SPATA18: variants seen among roughly 807,000 people sequenced by gnomAD.
SPATA18 encodes the protein spermatogenesis associated 18, also known as mitochondria-eating protein.
A neutral mutation model predicts 68.1 loss-of-function variants in SPATA18; 54 were observed. That is an observed-to-expected ratio of 0.79 (90% CI 0.64 to 0.99). The LOEUF is 0.99. Ranked by LOEUF, SPATA18 falls within the 50% of genes least tolerant of loss-of-function variation. The pLI, the probability that SPATA18 is intolerant of heterozygous loss-of-function variation, is 0.00. For synonymous variants in SPATA18, 242 were observed against 244.8 expected (o/e 0.99, Z 0.11); for missense variants, 724 against 681.1 (o/e 1.06, Z -0.70).
At chr4:52,085,315 A>G (rs919743976) in intron 11 of SPATA18, among the ~76,000 whole-genome samples, 1 of 152,210 alleles carries the variant, frequency 6.6e-6, no homozygotes, top group Admixed American at 6.5e-5. Flanking sequence ...ATGGGATACC[A>G]TAGTCAACTG....
chr4:52,069,623 G>T (rs1484352288), intron 4 of SPATA18, among the ~76,000 whole-genome samples, 198 bp from the exon 5 acceptor site: 2 of 152,270 alleles, frequency 1.3e-5, no homozygotes, highest in Non-Finnish European at 2.9e-5. Flanking sequence ...ATTGAGCAAA[G>T]GATGTTAGCA....
At chr4:52,072,228 T>G in intron 6 of SPATA18, 72 bp downstream of exon 6, 1 of 1,559,598 alleles carries the variant, frequency 6.4e-7, no homozygotes, top group South Asian at 1.2e-5. Flanking sequence ...GAGGAGGAAA[T>G]AAGTAAAATG....
Position 52,060,415 on chromosome 4 carries a change from G to T in SPATA18, c.88-4G>T, listed in dbSNP as rs762976290. 1 of 1,613,430 alleles carries T rather than the reference G, an allele frequency of 6.2e-7. No homozygotes were observed. ...CCTGGTTATCTACTGTTTTGCCCTTGCAGACAAACACGTGTGATCAAAATC... is the reference window on the plus strand; with the variant it reads ...CCTGGTTATCTACTGTTTTGCCCTTTCAGACAAACACGTGTGATCAAAATC... On this transcript the variant is annotated splice_region_variant and splice_polypyrimidine_tract_variant and intron_variant, in intron 1 of 12. Transcript: ENST00000295213.
At chr4:52,092,622 C>T (rs944556082) in intron 11 of SPATA18, among the ~76,000 whole-genome samples, 1 of 152,190 alleles carries the variant, frequency 6.6e-6, no homozygotes, top group Admixed American at 6.5e-5. Context: ...GTTGATCTTG[C>T]TGGGGGCTGC....
chr4:52,060,077 C>T (rs961884196), intron 1 of SPATA18, among the ~76,000 whole-genome samples: 24 of 152,224 alleles, frequency 1.6e-4, no homozygotes, highest in Admixed American at 9.2e-4. Flanking sequence ...ATGCCCTCAG[C>T]ATCCTCTCTT....
chr4:52,080,898 A>G (rs1007376675), intron 9 of SPATA18, among the ~76,000 whole-genome samples: 1 of 152,204 alleles, frequency 6.6e-6, no homozygotes, highest in Non-Finnish European at 1.5e-5. Flanking sequence ...TTGATGAGGG[A>G]GGATGGATAG....
intron 6 of SPATA18, among the ~76,000 whole-genome samples, chr4:52,072,771 C>T (rs987411659): frequency 8.5e-5 from 13 of 152,116 alleles, no homozygotes; most frequent in Non-Finnish European, 7.4e-5. Flanking sequence ...GTGGTACCCT[C>T]ATGGAAAAAA....
intron 1 of SPATA18, among the ~76,000 whole-genome samples, chr4:52,055,135 T>C (rs988482479): frequency 3.9e-5 from 6 of 152,216 alleles, no homozygotes; most frequent in African/African-American, 1.4e-4. Flanking sequence ...GGTTAGTGAC[T>C]TTAAAAGAAC....
At chr4:52,054,861 C>T (rs1216122670) in intron 1 of SPATA18, among the ~76,000 whole-genome samples, 1 of 150,392 alleles carries the variant, frequency 6.6e-6, no homozygotes, top group Non-Finnish European at 1.5e-5. Flanking sequence ...ACTTGCTTAG[C>T]TACTAGATAA....
chr4:52,092,040 G>C (rs562589065), intron 11 of SPATA18, among the ~76,000 whole-genome samples: 1 of 152,276 alleles, frequency 6.6e-6, no homozygotes, highest in South Asian at 2.1e-4. Flanking sequence ...CAGCAATGGT[G>C]GACACCCCTC....
chr4:52,065,804 A>G (rs1739260933), intron 4 of SPATA18, among the ~76,000 whole-genome samples: 1 of 152,158 alleles, frequency 6.6e-6, no homozygotes, highest in South Asian at 2.1e-4. Context: ...GCAAATTCCA[A>G]TAATTATGGG....
chr4:52,053,973 A>C (rs1298466341), intron 1 of SPATA18, among the ~76,000 whole-genome samples: 1 of 152,158 alleles, frequency 6.6e-6, no homozygotes, highest in Admixed American at 6.5e-5. Flanking sequence ...TGCCCCTTTA[A>C]GCTCTTTAAC....
At position 52,082,827 on chromosome 4, in the gene SPATA18, G is replaced by A. The variant is rs554169299; in HGVS notation, c.1479+317G>A. On this transcript the variant is annotated intron_variant, in intron 10 of 12. Coordinates refer to ENST00000295213, the MANE Select transcript of SPATA18 (RefSeq NM_145263.4). ...GCCCTTTGAAGTTATCTTGTAGGAG[G>A]ATTGCCATAATCCTAAGCACTTAAA... 1.0e-5 allele frequency: 10 copies of A among 985,160 alleles called. No individual in the cohort carries two copies. In the East Asian group the frequency reaches 9.1e-4, roughly 89 times the overall value. 61.0% of individuals were successfully genotyped at this position (985,160 alleles called of 1,614,324 possible).
In SPATA18 at chr4:52,095,287, A is replaced by G. The variant is rs1578212459; in HGVS notation, c.*400A>G. 1 of 204,566 alleles carries G rather than the reference A, an allele frequency of 4.9e-6. No homozygotes were observed. Among genetic ancestry groups the G allele is most frequent in the East Asian group, 1.3e-4 (1 of 7,814 alleles). 12.7% of individuals were successfully genotyped at this position (204,566 alleles called of 1,614,324 possible). A position where few individuals can be genotyped will look rare whatever the true frequency, so the allele number is the denominator to read the frequency against. On this transcript the variant is annotated 3_prime_UTR_variant, in exon 13 of 13. Transcript: ENST00000295213. ...AAAGATGAATCATTTTAGTTTGCAG[A>G]TGGATCGTAAATATAATTGTTGGTA...
At chr4:52,084,039 T>A (rs2109509260) in intron 10 of SPATA18, among the ~76,000 whole-genome samples, 1 of 112,840 alleles carries the variant, frequency 8.9e-6, no homozygotes, top group South Asian at 4.3e-4. Context: ...ACACCCGGCC[T>A]GAGATCCTGT....
At position 52,095,139 on chromosome 4, in the gene SPATA18, T is replaced by A. The variant is rs1742322953; in HGVS notation, c.*252T>A. The A allele has an allele frequency of 1.9e-6, 1 of 524,854 alleles. No individual in the cohort carries two copies. Among genetic ancestry groups the A allele is most frequent in the Admixed American group, 3.5e-5 (1 of 28,846 alleles). The allele number at this position is 524,854 out of a possible 1,614,324, so 32.5% of individuals were successfully genotyped here. On this transcript the variant is annotated 3_prime_UTR_variant, in exon 13 of 13. Coordinates refer to ENST00000295213, the MANE Select transcript of SPATA18 (RefSeq NM_145263.4). ...AAAATGATTGTATAGGCATTTAGGATCATATTCATTCGAAGCAAAGTCCGT... is the reference window on the plus strand; with the variant it reads ...AAAATGATTGTATAGGCATTTAGGAACATATTCATTCGAAGCAAAGTCCGT...
At chr4:52,068,831 G>A (rs113880590) in intron 4 of SPATA18, among the ~76,000 whole-genome samples, 148 of 152,238 alleles carry the variant, frequency 9.7e-4, no homozygotes, top group African/African-American at 3.3e-3. Context: ...CTTCATTGAG[G>A]ACCATTGGTC....
At chr4:52,077,440 CCCTTT>C (rs1740490350) in intron 7 of SPATA18, among the ~76,000 whole-genome samples, 1 of 150,188 alleles carries the variant, frequency 6.7e-6, no homozygotes, top group Non-Finnish European at 1.5e-5. Flanking sequence ...TTCCTTCCTT[CCCTTT>C]CATTACAAAT....
Position 52,062,345 on chromosome 4 carries a change from C to T in SPATA18, c.422+13C>T. 1 of 1,509,180 alleles carries T rather than the reference C, an allele frequency of 6.6e-7. No individual in the cohort carries two copies. The highest frequency in any genetic ancestry group is 9.1e-7 in the Non-Finnish European group (1 of 1,100,748). The allele number at this position is 1,509,180 out of a possible 1,614,324, so 93.5% of individuals were successfully genotyped here. On this transcript the variant is annotated intron_variant, in intron 4 of 12. Coordinates refer to ENST00000295213, the MANE Select transcript of SPATA18 (RefSeq NM_145263.4). ...AGGTTCAAGACGAGTAAGAGGAATG[C>T]AAGTTATCTTTTTCCAAAAAGAATT...
Sources: gnomAD v4.1 joint callset for allele counts (sites outside exome capture counted in the v4.1 genomes callset) on GRCh38, gnomAD v4.1.1 for gene constraint, MANE v1.5 for transcripts, NCBI Gene and HGNC (gene_info 2026-07-23, HGNC 2026-07-21) for gene names.